Variants in PITPNC1 observed in about 807,000 individuals in gnomAD.
The protein encoded by PITPNC1 is cytoplasmic phosphatidylinositol transfer protein 1.
In PITPNC1, 18 loss-of-function variants were observed where a neutral mutation model predicts 44.7. The ratio of observed to expected loss-of-function variants is 0.40; its 90% confidence interval spans 0.28 to 0.60. The LOEUF (loss-of-function observed/expected upper bound fraction) is 0.60. PITPNC1 is among the 20% of genes least tolerant of loss of function. The probability of loss-of-function intolerance (pLI) is 0.39; values close to 1 mark genes in which losing one functional copy is unlikely to be tolerated. For missense variants in PITPNC1, 290 were observed against 418.4 expected (o/e 0.69, Z 2.68); for synonymous variants, 141 against 149.6 (o/e 0.94, Z 0.42).
chr17:67,596,956 C>T (rs2041468415), intron 5 of PITPNC1, among the ~76,000 whole-genome samples: 1 of 151,986 alleles, frequency 6.6e-6, no homozygotes, highest in Non-Finnish European at 1.5e-5. Context: ...AGCAGTGGCA[C>T]AATTTCAGCT....
intron 8 of PITPNC1, among the ~76,000 whole-genome samples, chr17:67,689,351 C>T (rs1009772821): frequency 6.6e-5 from 10 of 152,160 alleles, no homozygotes; most frequent in Admixed American, 3.3e-4. Flanking sequence ...GCGTTGTTCC[C>T]GTGACTTCAG....
At chr17:67,691,577 T>C (rs779093376) in intron 8 of PITPNC1, among the ~76,000 whole-genome samples, 6 of 152,346 alleles carry the variant, frequency 3.9e-5, no homozygotes, top group Non-Finnish European at 8.8e-5. Flanking sequence ...AATTGTTGAT[T>C]TACGTGTTTT....
intron 6 of PITPNC1, among the ~76,000 whole-genome samples, chr17:67,668,818 C>T (rs780986715): frequency 3.8e-5 from 5 of 130,352 alleles, no homozygotes; most frequent in South Asian, 2.5e-4. Context: ...GCCGAGATCG[C>T]ACCACTGCAC....
chr17:67,401,829 T>A (rs997375976), intron 1 of PITPNC1, among the ~76,000 whole-genome samples: 10 of 150,898 alleles, frequency 6.6e-5, no homozygotes, highest in African/African-American at 2.4e-4. Flanking sequence ...GAAGACAGAG[T>A]GAGACTCTAC....
chr17:67,425,877 G>A (rs777982154), intron 1 of PITPNC1, among the ~76,000 whole-genome samples: 1 of 152,034 alleles, frequency 6.6e-6, no homozygotes, highest in Non-Finnish European at 1.5e-5. Flanking sequence ...TGCCTTTGCC[G>A]ATCATAAGGT....
chr17:67,552,662 C>T (rs1310015379), intron 3 of PITPNC1, among the ~76,000 whole-genome samples: 11 of 152,036 alleles, frequency 7.2e-5, no homozygotes, highest in African/African-American at 2.2e-4. Flanking sequence ...AGGTGGATTA[C>T]GTGAGGTCAG....
intron 1 of PITPNC1, among the ~76,000 whole-genome samples, chr17:67,475,321 C>T (rs2039610676): frequency 6.6e-6 from 1 of 152,072 alleles, no homozygotes; most frequent in Admixed American, 6.6e-5. Context: ...TTCTGAAAGC[C>T]CATTTGTTCT....
At chr17:67,591,115 G>C (rs1417886660) in intron 5 of PITPNC1, among the ~76,000 whole-genome samples, 1 of 152,064 alleles carries the variant, frequency 6.6e-6, no homozygotes, top group Non-Finnish European at 1.5e-5. Flanking sequence ...TAGTGTTCTT[G>C]TCAAAAACAA....
intron 5 of PITPNC1, among the ~76,000 whole-genome samples, chr17:67,623,758 C>T (rs2706675): frequency 0.095 from 14,489 of 152,174 alleles, 724 homozygotes; most frequent in Middle Eastern, 0.14. Flanking sequence ...TCATCTAAGC[C>T]TGGATCTTAA....
chr17:67,641,858 C>T (rs1320924989), intron 6 of PITPNC1, among the ~76,000 whole-genome samples: 4 of 151,244 alleles, frequency 2.6e-5, no homozygotes, highest in Admixed American at 6.6e-5. Flanking sequence ...GTACATCATT[C>T]TCCATTTGAT....
chr17:67,501,804 G>T (rs2040034006), intron 1 of PITPNC1, among the ~76,000 whole-genome samples: 1 of 151,906 alleles, frequency 6.6e-6, no homozygotes, highest in Admixed American at 6.6e-5. Flanking sequence ...TTGCACTCCA[G>T]CCTGGGCAAC....
At chr17:67,403,282 T>C (rs2143826146) in intron 1 of PITPNC1, among the ~76,000 whole-genome samples, 1 of 150,002 alleles carries the variant, frequency 6.7e-6, no homozygotes, top group Non-Finnish European at 1.5e-5. Context: ...CAGTAGGTAT[T>C]TGGGTGTAGA....
intron 6 of PITPNC1, among the ~76,000 whole-genome samples, chr17:67,658,631 G>A (rs2144381165): frequency 6.6e-6 from 1 of 152,284 alleles, no homozygotes; most frequent in African/African-American, 2.4e-5. Flanking sequence ...GAGCTAAGGA[G>A]CAGAAAAAAT....
intron 1 of PITPNC1, among the ~76,000 whole-genome samples, chr17:67,449,592 A>AT (rs1162378195): frequency 6.6e-6 from 1 of 152,228 alleles, no homozygotes; most frequent in African/African-American, 2.4e-5. Context: ...TTGACAAGAC[A>AT]TGTACCATTG....
At chr17:67,456,842 G>A (rs1166335927) in intron 1 of PITPNC1, among the ~76,000 whole-genome samples, 1 of 152,132 alleles carries the variant, frequency 6.6e-6, no homozygotes, top group Non-Finnish European at 1.5e-5. Context: ...GTAAGAGCCT[G>A]TGAATGTACT....
intron 2 of PITPNC1, among the ~76,000 whole-genome samples, chr17:67,536,660 AG>A (rs1478161611): frequency 6.6e-6 from 1 of 152,244 alleles, no homozygotes; most frequent in Non-Finnish European, 1.5e-5. Flanking sequence ...ACAAAAGAGA[AG>A]CCTACAAAAA....
chr17:67,477,357 C>T (rs2039645148), intron 1 of PITPNC1, among the ~76,000 whole-genome samples: 1 of 151,354 alleles, frequency 6.6e-6, no homozygotes, highest in African/African-American at 2.4e-5. Context: ...AGCGATTCTC[C>T]TGCCTCAGCC....
At chr17:67,389,566 C>A (rs2038105991) in intron 1 of PITPNC1, among the ~76,000 whole-genome samples, 1 of 152,146 alleles carries the variant, frequency 6.6e-6, no homozygotes, top group Admixed American at 6.5e-5. Context: ...GGTTTTATTG[C>A]CATTTAAAAA....
intron 6 of PITPNC1, among the ~76,000 whole-genome samples, chr17:67,633,365 G>A (rs764015279): frequency 8.5e-5 from 13 of 152,272 alleles, no homozygotes; most frequent in Non-Finnish European, 1.5e-4. Context: ...CCAGGCTCCC[G>A]ACGTGGTTCA....
Sources: allele counts gnomAD v4.1 joint callset (sites outside exome capture counted in the v4.1 genomes callset), GRCh38; gene constraint gnomAD v4.1.1; transcripts MANE v1.5; gene names NCBI Gene and HGNC (gene_info 2026-07-23, HGNC 2026-07-21).